GRK5: variants seen among roughly 807,000 people sequenced by gnomAD.
GRK5 encodes the protein G protein-coupled receptor kinase 5.
GRK5 carries 40 observed loss-of-function variants against 78.4 expected under a neutral mutation model. That is an observed-to-expected ratio of 0.51 (90% CI 0.40 to 0.66). The LOEUF is 0.66. Among genes scored for constraint, GRK5 ranks in the 30% least tolerant of loss-of-function variants. The pLI is 0.00. For missense variants in GRK5, 598 were observed against 759.9 expected (o/e 0.79, Z 2.50); for synonymous variants, 289 against 296.8 (o/e 0.97, Z 0.27).
chr10:119,276,551 C>T, intron 1 of GRK5, among the ~76,000 whole-genome samples: 1 of 152,080 alleles, frequency 6.6e-6, no homozygotes, highest in Non-Finnish European at 1.5e-5. Context: ...AATAGTGCCG[C>T]AATAAACATA....
At chr10:119,396,956 A>G (rs936578386) in intron 4 of GRK5, among the ~76,000 whole-genome samples, 184 bp downstream of exon 4, 1 of 152,236 alleles carries the variant, frequency 6.6e-6, no homozygotes, top group East Asian at 1.9e-4. Context: ...CAGGGCCAAG[A>G]TGGGGATGGT....
rs534216978 is a variant in GRK5, at chr10:119,377,412, A to G, written c.149-3403A>G. Among the ~76,000 whole-genome samples the G allele has an allele frequency of 5.5e-4, 83 of 152,258 alleles. 2 individuals carry two copies. Among genetic ancestry groups the G allele is most frequent in the African/African-American group, 1.9e-3 (80 of 41,546 alleles). On this transcript the variant is annotated intron_variant, in intron 2 of 15. Transcript: ENST00000392870. ...TTCTGTGGCCTCCTTATCCATTTCT[A>G]TAGGAACTGTAAATGTTGCACTAGG...
At chr10:119,315,341 G>T (rs1850468239) in intron 1 of GRK5, among the ~76,000 whole-genome samples, 1 of 152,238 alleles carries the variant, frequency 6.6e-6, no homozygotes, top group Non-Finnish European at 1.5e-5. Flanking sequence ...ATCTCGCCTT[G>T]TTCGGGCCTG....
chr10:119,361,688 C>T (rs1056874780), intron 2 of GRK5, among the ~76,000 whole-genome samples: 44 of 152,084 alleles, frequency 2.9e-4, no homozygotes, highest in Non-Finnish European at 5.4e-4. Context: ...AGGCTGGGTG[C>T]GGTGGTTCAT....
chr10:119,212,586 A>G (rs1848505584), intron 1 of GRK5, among the ~76,000 whole-genome samples: 1 of 152,254 alleles, frequency 6.6e-6, no homozygotes, highest in Non-Finnish European at 1.5e-5. Context: ...AAATAAAACT[A>G]TCCAGGACTG....
intron 1 of GRK5, among the ~76,000 whole-genome samples, chr10:119,234,137 A>G (rs745878778): frequency 6.6e-6 from 1 of 152,190 alleles, no homozygotes; most frequent in South Asian, 2.1e-4. Flanking sequence ...TACACTGCTT[A>G]TGCATGTCAG....
In GRK5 at chr10:119,452,955, G is replaced by C. The variant is rs1853320697; in HGVS notation, c.1542+147G>C. ...TGAAGGCAGCACACAAAAGCTGTCAGTGGCCAAGTAGGGAGCTGTAGCCAC... is the reference window on the plus strand; with the variant it reads ...TGAAGGCAGCACACAAAAGCTGTCACTGGCCAAGTAGGGAGCTGTAGCCAC... On this transcript the variant is annotated intron_variant, in intron 14 of 15. Transcript: ENST00000392870. This position sits in a 1 kb window ranked among gnomAD's most constrained non-coding sequence, Gnocchi z 4.4. 1.9e-5 allele frequency: 20 copies of C among 1,080,488 alleles called. 1 individual carries two copies. The South Asian group carries it at 2.8e-4, about 15-fold the overall frequency. 66.9% of individuals were successfully genotyped at this position (1,080,488 alleles called of 1,614,324 possible). A position where few individuals can be genotyped will look rare whatever the true frequency, so the allele number is the denominator to read the frequency against.
intron 2 of GRK5, among the ~76,000 whole-genome samples, chr10:119,373,775 C>T (rs1254202710): frequency 1.3e-5 from 2 of 152,230 alleles, no homozygotes; most frequent in East Asian, 1.9e-4. Flanking sequence ...GAAAATGGTG[C>T]GGATAGACTT....
intron 3 of GRK5, among the ~76,000 whole-genome samples, chr10:119,386,678 C>A (rs1851800507): frequency 6.6e-6 from 1 of 152,222 alleles, no homozygotes; most frequent in Admixed American, 6.5e-5. Context: ...ATTAGCGAGA[C>A]TTTTTCATCG....
At position 119,326,456 on chromosome 10, in the gene GRK5, C is replaced by T. The variant is rs1850680674; in HGVS notation, c.53-60C>T. The T allele has an allele frequency of 3.5e-6, 5 of 1,427,990 alleles. No homozygotes were observed. The Admixed American group carries it at 6.9e-5, about 20-fold the overall frequency. 88.5% of individuals were successfully genotyped at this position (1,427,990 alleles called of 1,614,324 possible). On this transcript the variant is annotated intron_variant, in intron 1 of 15. Coordinates refer to ENST00000392870, the MANE Select transcript of GRK5 (RefSeq NM_005308.3). The stretch of plus-strand genomic sequence containing the variant: ...CCCAGGAGGCTGGTGGGCAGGCTCA[C>T]TGCGGGGACGCCGCAGGCTCTGGAG...
chr10:119,215,008 C>T lies in GRK5; in HGVS notation c.52+7039C>T, dbSNP rs76367526. On this transcript the variant is annotated intron_variant, in intron 1 of 15. Coordinates refer to ENST00000392870, the MANE Select transcript of GRK5 (RefSeq NM_005308.3). ...ACGGGCTGCAGTTCTGGAGTGAAGA[C>T]GGTGGAGGCTGCATTCTTTTCTGGC... 7.7e-3 allele frequency among the ~76,000 whole-genome samples: 1,179 copies of T among 152,262 alleles called. 17 individuals are homozygous for T. Among genetic ancestry groups the T allele is most frequent in the African/African-American group, 0.027 (1,121 of 41,552 alleles).
intron 1 of GRK5, among the ~76,000 whole-genome samples, chr10:119,224,389 ATTATTTATTTATTTATTTAT>A (rs59961161): frequency 6.7e-6 from 1 of 148,676 alleles, no homozygotes; most frequent in Non-Finnish European, 1.5e-5. Flanking sequence ...TTATTAATTT[ATTATTTATTTATTTATTTAT>A]TTATTTATTT....
At chr10:119,263,069 G>A (rs186928134) in intron 1 of GRK5, among the ~76,000 whole-genome samples, 167 of 151,970 alleles carry the variant, frequency 1.1e-3, no homozygotes, top group African/African-American at 3.8e-3. Flanking sequence ...GTGCAGTGGC[G>A]CGATCTCAGC....
chr10:119,420,223 A>G (rs978017222), intron 4 of GRK5, among the ~76,000 whole-genome samples: 5 of 152,234 alleles, frequency 3.3e-5, no homozygotes, highest in African/African-American at 1.2e-4. Flanking sequence ...CCAGGACCTA[A>G]CTAGAGTTAG....
At chr10:119,350,480 C>A (rs1176725060) in intron 2 of GRK5, among the ~76,000 whole-genome samples, 1 of 152,228 alleles carries the variant, frequency 6.6e-6, no homozygotes, top group Non-Finnish European at 1.5e-5. Context: ...CTGGATCCTG[C>A]AGCATCTTTG....
At chr10:119,227,056 G>T (rs1488390471) in intron 1 of GRK5, among the ~76,000 whole-genome samples, 1 of 152,088 alleles carries the variant, frequency 6.6e-6, no homozygotes, top group Non-Finnish European at 1.5e-5. Flanking sequence ...ACGTTTCACT[G>T]TGTTGGCTAG....
intron 2 of GRK5, among the ~76,000 whole-genome samples, chr10:119,364,594 C>G (rs1851415493): frequency 6.6e-6 from 1 of 152,100 alleles, no homozygotes; most frequent in Non-Finnish European, 1.5e-5. Context: ...CCCCAGCTGC[C>G]CACTTTAGCT....
chr10:119,386,836 G>A (rs917747426), intron 3 of GRK5, among the ~76,000 whole-genome samples: 7 of 152,142 alleles, frequency 4.6e-5, no homozygotes, highest in African/African-American at 1.4e-4. Context: ...AGGAGGTGGC[G>A]GGGTCCTTGG....
chr10:119,218,550 G>T (rs1044921964), intron 1 of GRK5, among the ~76,000 whole-genome samples: 12 of 152,118 alleles, frequency 7.9e-5, no homozygotes, highest in Non-Finnish European at 1.6e-4. Flanking sequence ...GGTCCTGCTT[G>T]GTCTTAATGT....
Sources: gnomAD v4.1 joint callset for allele counts (sites outside exome capture counted in the v4.1 genomes callset) on GRCh38, gnomAD v4.1.1 for gene constraint, Gnocchi (gnomAD v3.1) non-coding constraint, MANE v1.5 for transcripts, NCBI Gene and HGNC (gene_info 2026-07-23, HGNC 2026-07-21) for gene names.